Variants in HS3ST4 observed in about 807,000 individuals in gnomAD.
HS3ST4 encodes heparan sulfate-glucosamine 3-sulfotransferase 4.
HS3ST4 carries 17 observed loss-of-function variants against 29.2 expected under a neutral mutation model. The observed-to-expected ratio is 0.58, with a 90% CI of 0.40 to 0.87. HS3ST4 has a LOEUF of 0.87. Among genes scored for constraint, HS3ST4 ranks in the 40% least tolerant of loss-of-function variants. The probability of loss-of-function intolerance (pLI) is 0.00; values close to 1 mark genes in which losing one functional copy is unlikely to be tolerated. For synonymous variants in HS3ST4, 314 were observed against 285.7 expected, an observed-to-expected ratio of 1.10 and a Z score of -1.00; for missense variants, 627 against 634.5, an observed-to-expected ratio of 0.99 and a Z score of 0.13.
At chr16:25,738,156 G>A (rs375885918) in intron 1 of HS3ST4, among the ~76,000 whole-genome samples, 7 of 151,960 alleles carry the variant, frequency 4.6e-5, no homozygotes, top group South Asian at 2.1e-4. Flanking sequence ...TACCCTCCTC[G>A]GCCTGCCCAA....
intron 1 of HS3ST4, among the ~76,000 whole-genome samples, chr16:25,982,906 T>C (rs1165147356): frequency 6.6e-6 from 1 of 152,196 alleles, no homozygotes; most frequent in Non-Finnish European, 1.5e-5. Flanking sequence ...TAGTCCGCAG[T>C]CTGAAACAAC....
intron 1 of HS3ST4, among the ~76,000 whole-genome samples, chr16:26,109,716 CTGTTTT>C (rs1899102299): frequency 1.7e-5 from 1 of 60,326 alleles, no homozygotes; most frequent in African/African-American, 5.4e-5. Flanking sequence ...CATATACTCA[CTGTTTT>C]TTTTTTTTTC....
At chr16:25,821,104 CT>C (rs1225016514) in intron 1 of HS3ST4, among the ~76,000 whole-genome samples, 1 of 146,552 alleles carries the variant, frequency 6.8e-6, no homozygotes, top group Non-Finnish European at 1.5e-5. Flanking sequence ...GTCGCCCAGG[CT>C]GGAGTGCAGT....
At chr16:26,131,681 T>C (rs552042945) in intron 1 of HS3ST4, among the ~76,000 whole-genome samples, 34 of 152,284 alleles carry the variant, frequency 2.2e-4, no homozygotes, top group African/African-American at 8.2e-4. Flanking sequence ...TCCTCTAATC[T>C]TACAGGAAGA....
chr16:25,864,419 G>A (rs1967672576), intron 1 of HS3ST4, among the ~76,000 whole-genome samples: 1 of 151,764 alleles, frequency 6.6e-6, no homozygotes, highest in South Asian at 2.1e-4. Context: ...TAAAAGTAGT[G>A]ACCAAACAGA....
At position 26,059,568 on chromosome 16, in the gene HS3ST4, G is replaced by A. The variant is rs201175108; in HGVS notation, c.735-76044G>A. On this transcript the variant is annotated intron_variant, in intron 1 of 1. Coordinates refer to ENST00000331351, the MANE Select transcript of HS3ST4 (RefSeq NM_006040.3). ...TCATTCATTAATGCATTGATTGAAC[G>A]GCATGACTAATAGTTGCCAGGTTTC... Among the ~76,000 whole-genome samples, 13 of 152,100 alleles carry A rather than the reference G, an allele frequency of 8.5e-5. No homozygotes were observed. In the East Asian group the frequency reaches 1.6e-3, roughly 18 times the overall value.
At chr16:25,791,225 CTG>C (rs1411484293) in intron 1 of HS3ST4, among the ~76,000 whole-genome samples, 2 of 152,006 alleles carry the variant, frequency 1.3e-5, no homozygotes, top group African/African-American at 4.8e-5. Flanking sequence ...TATCTGTTCT[CTG>C]TATTCTGTTT....
At chr16:25,724,409 G>C (rs1966517981) in intron 1 of HS3ST4, among the ~76,000 whole-genome samples, 1 of 148,312 alleles carries the variant, frequency 6.7e-6, no homozygotes, top group African/African-American at 2.5e-5. Flanking sequence ...TGTCACCCAA[G>C]CTGGAGTGTG....
intron 1 of HS3ST4, among the ~76,000 whole-genome samples, chr16:26,120,085 GTGTGTGTA>G (rs1899255409): frequency 7.3e-6 from 1 of 136,250 alleles, no homozygotes; most frequent in Admixed American, 7.4e-5. Flanking sequence ...GTGTGTGTGT[GTGTGTGTA>G]TATGTGTGTG....
At chr16:25,943,194 G>A (rs1345774255) in intron 1 of HS3ST4, among the ~76,000 whole-genome samples, 1 of 152,180 alleles carries the variant, frequency 6.6e-6, no homozygotes, top group East Asian at 1.9e-4. Flanking sequence ...CTGGGGCATG[G>A]AAACTTTTTG....
chr16:25,696,797 G>A lies in HS3ST4; in HGVS notation c.734+3646G>A, dbSNP rs149604597. On this transcript the variant is annotated intron_variant, in intron 1 of 1. Transcript: ENST00000331351. ...AGCATATTTTGCATGTGGCAACTGGGGAGAGAATGGAGAAGGATGGAATTT... is the reference window on the plus strand; with the variant it reads ...AGCATATTTTGCATGTGGCAACTGGAGAGAGAATGGAGAAGGATGGAATTT... 1.8e-3 allele frequency among the ~76,000 whole-genome samples: 279 copies of A among 152,326 alleles called. 1 individual carries two copies. Among genetic ancestry groups the A allele is most frequent in the African/African-American group, 6.5e-3 (269 of 41,568 alleles).
chr16:25,771,106 A>G (rs1966841365), intron 1 of HS3ST4, among the ~76,000 whole-genome samples: 1 of 152,062 alleles, frequency 6.6e-6, no homozygotes, highest in Non-Finnish European at 1.5e-5. Context: ...GCCCACATGC[A>G]TTAGCTATTT....
intron 1 of HS3ST4, among the ~76,000 whole-genome samples, chr16:25,814,537 G>C (rs975649493): frequency 3.3e-5 from 5 of 152,118 alleles, no homozygotes; most frequent in African/African-American, 1.2e-4. Context: ...AGTAGAGACG[G>C]AGTTTCACCA....
At chr16:26,079,063 G>T (rs1898697494) in intron 1 of HS3ST4, among the ~76,000 whole-genome samples, 1 of 152,186 alleles carries the variant, frequency 6.6e-6, no homozygotes, top group African/African-American at 2.4e-5. Flanking sequence ...GAACTTCTCA[G>T]CCCAACACTT....
At chr16:25,818,178 CA>C (rs1053070915) in intron 1 of HS3ST4, among the ~76,000 whole-genome samples, 110 of 152,296 alleles carry the variant, frequency 7.2e-4, no homozygotes, top group Non-Finnish European at 1.5e-4. Context: ...GTGTATCCCC[CA>C]AAATCCATAT....
In HS3ST4 at chr16:25,828,245, TTTCTTTC is replaced by T. The variant is rs1567249318; in HGVS notation, c.734+135097_734+135103del. Among the ~76,000 whole-genome samples, 159 of 52,514 alleles carry T rather than the reference TTTCTTTC, an allele frequency of 3.0e-3. 7 individuals are homozygous for T. Among genetic ancestry groups the T allele is most frequent in the South Asian group, 9.2e-3 (12 of 1,308 alleles). 34.5% of individuals were successfully genotyped at this position (52,514 alleles called of 152,430 possible). On this transcript the variant is annotated intron_variant, in intron 1 of 1. Coordinates refer to ENST00000331351, the MANE Select transcript of HS3ST4 (RefSeq NM_006040.3). Reference sequence around the variant, plus strand: ...TCCTTTCTTTCTTTCTTTCTTTCTCTTTCTTTCTTTCTTTCTTTCTTTCTTTCTTTCT... The same window carrying T: ...TCCTTTCTTTCTTTCTTTCTTTCTCTTTTCTTTCTTTCTTTCTTTCTTTCT...
Position 26,136,248 on chromosome 16 carries a change from A to C in HS3ST4, c.1371A>C (p.Ter457CysextTer2). Residue 457 changes from the stop codon to cysteine (C), a stop_lost, in exon 2 of 2, where the codon TGA becomes TGC. Coordinates refer to ENST00000331351, the MANE Select transcript of HS3ST4 (RefSeq NM_006040.3). ...FQWEQEEGDK[*>C] The stretch of plus-strand genomic sequence containing the variant: ...GGGAACAGGAAGAGGGTGATAAATG[A>C]GGCTAGAGAGGCAGAGGAAGGCTAG... The C allele has an allele frequency of 6.2e-7, 1 of 1,608,602 alleles. No homozygotes were observed. The highest frequency in any genetic ancestry group is 8.5e-7 in the Non-Finnish European group (1 of 1,177,862).
chr16:25,882,662 T>A (rs1173443370), intron 1 of HS3ST4, among the ~76,000 whole-genome samples: 2 of 152,158 alleles, frequency 1.3e-5, no homozygotes, highest in East Asian at 3.9e-4. Context: ...CACTGTTCCA[T>A]CTTGAGGGCT....
chr16:26,024,811 C>T (rs1969451199), intron 1 of HS3ST4, among the ~76,000 whole-genome samples: 1 of 152,180 alleles, frequency 6.6e-6, no homozygotes, highest in African/African-American at 2.4e-5. Flanking sequence ...GTAATTCCAG[C>T]CTTAGCCAAA....
Sources: allele counts gnomAD v4.1 joint callset (sites outside exome capture counted in the v4.1 genomes callset), GRCh38; gene constraint gnomAD v4.1.1; transcripts MANE v1.5; gene names NCBI Gene and HGNC (gene_info 2026-07-23, HGNC 2026-07-21).